Variants in SMG7 observed in about 807,000 individuals in gnomAD.
SMG7 encodes SMG7 nonsense mediated mRNA decay factor, also known as nonsense-mediated mRNA decay factor SMG7.
In SMG7, 34 loss-of-function variants were observed where a neutral mutation model predicts 148.2. The ratio of observed to expected loss-of-function variants is 0.23; its 90% CI spans 0.17 to 0.31. The LOEUF (loss-of-function observed/expected upper bound fraction) is 0.31. SMG7 is among the 10% of genes least tolerant of loss of function. The pLI is 1.00. For synonymous variants in SMG7, 492 were observed against 515.1 expected (o/e 0.96, Z 0.61); for missense variants, 1,114 against 1,408.4 (o/e 0.79, Z 3.35).
At chr1:183,517,631 C>T in intron 3 of SMG7, 57 bp from the exon 4 acceptor site, 2 of 1,541,100 alleles carry the variant, frequency 1.3e-6, no homozygotes, top group Non-Finnish European at 1.8e-6. Flanking sequence ...CTCAGGGGGA[C>T]CAGTGTCTGC....
chr1:183,527,496 T>C lies in SMG7; in HGVS notation c.485-460T>C. On this transcript the variant is annotated intron_variant, in intron 5 of 22. Coordinates refer to ENST00000688051, the MANE Select transcript of SMG7 (RefSeq NM_001375584.1). This position sits in a 1 kb window ranked among gnomAD's most constrained non-coding sequence, Gnocchi z 4.0. Reference sequence around the variant, plus strand: ...TTAGGTTGTTTTGCTTTAAATATAATCTTTGCACACACATATTTAATATTG... The same window carrying C: ...TTAGGTTGTTTTGCTTTAAATATAACCTTTGCACACACATATTTAATATTG... 2.5e-6 allele frequency: 1 copy of C among 401,744 alleles called. No individual in the cohort carries two copies. Among genetic ancestry groups the C allele is most frequent in the African/African-American group, 2.1e-5 (1 of 47,966 alleles). The allele number at this position is 401,744 out of a possible 1,614,324, so 24.9% of individuals were successfully genotyped here.
At chr1:183,486,085 T>G (rs987672588) in intron 1 of SMG7, among the ~76,000 whole-genome samples, 2 of 152,204 alleles carry the variant, frequency 1.3e-5, no homozygotes, top group African/African-American at 4.8e-5. Context: ...CATCTTAGAA[T>G]TTTCTCAGGT....
At chr1:183,481,926 G>A (rs563505552) in intron 1 of SMG7, among the ~76,000 whole-genome samples, 1 of 151,700 alleles carries the variant, frequency 6.6e-6, no homozygotes, top group African/African-American at 2.4e-5. Flanking sequence ...TGATCCTCTT[G>A]CCTCAGCCTC....
At position 183,472,552 on chromosome 1, in the gene SMG7, G is replaced by A. The variant is rs1432554169; in HGVS notation, c.-69G>A. 3.0e-6 allele frequency: 4 copies of A among 1,345,582 alleles called. No homozygotes were observed. The East Asian group carries it at 1.2e-4, about 40-fold the overall frequency. The allele number at this position is 1,345,582 out of a possible 1,614,324, so 83.4% of individuals were successfully genotyped here. ...CGGCCGCCAGCACCCGCGGTGCCGC[G>A]GGGCCGCTCCGAGGAGCCTGAGAGA... is the stretch of plus-strand genomic sequence containing the variant. On this transcript the variant is annotated 5_prime_UTR_variant, in exon 1 of 23. Transcript: ENST00000688051.
intron 1 of SMG7, among the ~76,000 whole-genome samples, chr1:183,494,599 A>T (rs909487260): frequency 1.4e-5 from 2 of 142,542 alleles, no homozygotes; most frequent in Non-Finnish European, 3.1e-5. Context: ...TTATGTTTCT[A>T]AAAAAAAAAA....
At chr1:183,516,948 C>T (rs1663689802) in intron 3 of SMG7, among the ~76,000 whole-genome samples, 1 of 152,202 alleles carries the variant, frequency 6.6e-6, no homozygotes, top group Non-Finnish European at 1.5e-5. Context: ...TCTGTGTTTG[C>T]TTCCTTTAAT....
At chr1:183,473,045 A>T (rs1350324381) in intron 1 of SMG7, 1 of 237,226 alleles carries the variant, frequency 4.2e-6, no homozygotes, top group Non-Finnish European at 8.1e-6. Flanking sequence ...GTGGCGTGGG[A>T]TTGGTTGGAG....
At chr1:183,482,031 T>C (rs560965267) in intron 1 of SMG7, among the ~76,000 whole-genome samples, 20 of 152,220 alleles carry the variant, frequency 1.3e-4, no homozygotes, top group African/African-American at 4.6e-4. Flanking sequence ...AAGAAGAGTA[T>C]AGCAGGCAAA....
chr1:183,481,281 T>C (rs946186495), intron 1 of SMG7, among the ~76,000 whole-genome samples: 8 of 152,178 alleles, frequency 5.3e-5, no homozygotes, highest in African/African-American at 1.7e-4. Context: ...CCATGTCATT[T>C]CCCATGTGGG....
At chr1:183,502,353 C>G (rs1659929337) in intron 1 of SMG7, 16 of 1,534,524 alleles carry the variant, frequency 1.0e-5, no homozygotes, top group Non-Finnish European at 1.2e-5. Flanking sequence ...GGACCGAAAA[C>G]TTGAAATCAG....
At chr1:183,526,295 C>G (rs1237507675) in intron 4 of SMG7, among the ~76,000 whole-genome samples, 1 of 151,676 alleles carries the variant, frequency 6.6e-6, no homozygotes, top group East Asian at 1.9e-4. Flanking sequence ...ACTACAGGTG[C>G]TCACCACCAC....
At chr1:183,533,126 C>G in intron 8 of SMG7, 38 bp from the exon 9 acceptor site, 1 of 1,580,372 alleles carries the variant, frequency 6.3e-7, no homozygotes. Context: ...GGTTCCTGTT[C>G]TTGATAATAT....
chr1:183,538,553 T>G (rs1226833759), intron 12 of SMG7, 113 bp downstream of exon 12: 2 of 751,298 alleles, frequency 2.7e-6, no homozygotes, highest in Middle Eastern at 2.4e-4. Context: ...TGTGTGTTAT[T>G]TTTGTAACGT....
chr1:183,538,256 G>GC lies in SMG7; in HGVS notation c.1235-123dup, dbSNP rs1329564647. On this transcript the variant is annotated intron_variant, in intron 11 of 22. Transcript: ENST00000688051. Reference sequence around the variant, plus strand: ...TTCATCAGGATCATGATAAAGAAGAGCAGAGAACAATAAGCATTATAATTT... The same window carrying GC: ...TTCATCAGGATCATGATAAAGAAGAGCCAGAGAACAATAAGCATTATAATTT... 1.3e-5 allele frequency: 9 copies of GC among 671,398 alleles called. No individual in the cohort carries two copies. The African/African-American group carries it at 1.5e-4, about 11-fold the overall frequency. The allele number at this position is 671,398 out of a possible 1,614,324, so 41.6% of individuals were successfully genotyped here. A position where few individuals can be genotyped will look rare whatever the true frequency, so the allele number is the denominator to read the frequency against.
intron 14 of SMG7, among the ~76,000 whole-genome samples, chr1:183,543,956 G>A (rs1669431556): frequency 1.3e-5 from 2 of 152,174 alleles, no homozygotes; most frequent in African/African-American, 4.8e-5. Flanking sequence ...GTCATTATTA[G>A]TTCATAATTC....
Position 183,552,579 on chromosome 1 carries a change from A to G in SMG7, c.*648A>G, listed in dbSNP as rs1572130451. ...CATAAGGGAGAGTTCAAGGCCTGTCAGAAGGCTCTGGTAGGCCTTCCTCTG... is the reference window on the plus strand; with the variant it reads ...CATAAGGGAGAGTTCAAGGCCTGTCGGAAGGCTCTGGTAGGCCTTCCTCTG... On this transcript the variant is annotated 3_prime_UTR_variant, in exon 23 of 23. Coordinates refer to ENST00000688051, the MANE Select transcript of SMG7 (RefSeq NM_001375584.1). The G allele has an allele frequency of 9.8e-7, 1 of 1,019,126 alleles. No individual in the cohort carries two copies. Among genetic ancestry groups the G allele is most frequent in the Non-Finnish European group, 1.2e-6 (1 of 849,662 alleles). The allele number at this position is 1,019,126 out of a possible 1,614,324, so 63.1% of individuals were successfully genotyped here.
In SMG7 at chr1:183,546,110, G is replaced by A; in HGVS notation, c.2515G>A (p.Val839Ile). The A allele has an allele frequency of 6.2e-7, 1 of 1,613,848 alleles. No individual in the cohort carries two copies. The highest frequency in any genetic ancestry group is 8.5e-7 in the Non-Finnish European group (1 of 1,179,942). The change falls in exon 17 of 23, where the codon GTA becomes ATA. Residue 839 changes from valine (V) to isoleucine (I), a missense_variant. Coordinates refer to ENST00000688051, the MANE Select transcript of SMG7 (RefSeq NM_001375584.1). ...KLFEPSLQPP[V>I]MQQQPLEKKM... is the part of the protein sequence containing the mutation. The stretch of plus-strand genomic sequence containing the variant: ...GTTTGAGCCGTCATTGCAACCTCCT[G>A]TAATGCAGCAGCAGCCTCTAGAAAA...
rs763350649 is a variant in SMG7 at position 183,515,949 on chromosome 1, C to A, written c.137C>A (p.Thr46Asn). The A allele has an allele frequency of 3.7e-6, 6 of 1,612,936 alleles. No individual in the cohort carries two copies. Among genetic ancestry groups the A allele is most frequent in the South Asian group, 1.1e-5 (1 of 90,946 alleles). Residue 46 changes from threonine to asparagine, a missense_variant, in exon 3 of 23, where the codon ACC becomes AAC. Physicochemically the swap from Thr to Asn is moderately conservative, Grantham distance 65. Coordinates refer to ENST00000688051, the MANE Select transcript of SMG7 (RefSeq NM_001375584.1). ...GACCTGTACCAGAAAATGCTAGTTA[C>A]CGATTTGGAATACGCTTTAGACAAG... ...LQDLYQKMLVTDLEYALDKKV... is the reference protein window; with the variant it reads ...LQDLYQKMLVNDLEYALDKKV...
chr1:183,507,243 A>G (rs566100497), intron 1 of SMG7, among the ~76,000 whole-genome samples: 1 of 152,324 alleles, frequency 6.6e-6, no homozygotes, highest in East Asian at 1.9e-4. Flanking sequence ...CATAAGTGCT[A>G]TATGTATAAT....
Sources: gnomAD v4.1 joint callset for allele counts (sites outside exome capture counted in the v4.1 genomes callset) on GRCh38, gnomAD v4.1.1 for gene constraint, Gnocchi (gnomAD v3.1) non-coding constraint, MANE v1.5 for transcripts, NCBI Gene and HGNC (gene_info 2026-07-23, HGNC 2026-07-21) for gene names.